Variants in LGALS16 observed in about 807,000 individuals in gnomAD.
The protein encoded by LGALS16 is galectin 16.
In LGALS16, 15 loss-of-function variants were observed where a neutral mutation model predicts 13.2. That is an observed-to-expected ratio of 1.13 (90% CI 0.76 to 1.75). The LOEUF is 1.75. LGALS16 is among the 40% of genes most tolerant of loss of function. The probability of loss-of-function intolerance (pLI) is 0.00; values close to 1 mark genes in which losing one functional copy is unlikely to be tolerated. For synonymous variants in LGALS16, 66 were observed against 65.4 expected (o/e 1.01, Z -0.05); for missense variants, 198 against 178.4 (o/e 1.11, Z -0.63).
chr19:39,658,720 C>T, intron 3 of LGALS16, 50 bp downstream of exon 3: 1 of 1,209,170 alleles, frequency 8.3e-7, no homozygotes, highest in Non-Finnish European at 1.2e-6. Context: ...GATCCCAGAG[C>T]AGGAGTCAGC....
Position 39,660,478 on chromosome 19 carries a change from T to G in LGALS16, c.387T>G (p.Asp129Glu), listed in dbSNP as rs1296606690. The G allele has an allele frequency of 6.5e-7, 1 of 1,543,052 alleles. No homozygotes were observed. Among genetic ancestry groups the G allele is most frequent in the Admixed American group, 2.0e-5 (1 of 51,254 alleles). Residue 129 changes from aspartate (D) to glutamate (E), a missense_variant, in exon 4 of 4, where the codon GAT becomes GAG. Physicochemically the swap from Asp to Glu is conservative, Grantham distance 45. Transcript: ENST00000392051. ...TGAAGATGATTCAAGTGTGGAGAGA[T>G]GTCTCCCTGGACTCAGTGCTTGTCA... is the stretch of plus-strand genomic sequence containing the variant. ...SYVKMIQVWR[D>E]VSLDSVLVNN...
At position 39,657,890 on chromosome 19, in the gene LGALS16, A is replaced by T; in HGVS notation, c.23A>T (p.Tyr8Phe). The T allele has an allele frequency of 6.2e-7, 1 of 1,613,874 alleles. No homozygotes were observed. Among genetic ancestry groups the T allele is most frequent in the Non-Finnish European group, 8.5e-7 (1 of 1,180,012 alleles). The change falls in exon 2 of 4, where the codon TAC becomes TTC. Residue 8 changes from tyrosine (Y) to phenylalanine (F), a missense_variant. By Grantham distance (22) the Tyr-to-Phe change is conservative (BLOSUM62 3). Coordinates refer to ENST00000392051, the MANE Select transcript of LGALS16 (RefSeq NM_001190441.3). MSFLTVPYKLPVSLSVGS... is the reference protein window; with the variant it reads MSFLTVPFKLPVSLSVGS... ...TTCTCAATACCCTGGCAGGTGCCAT[A>T]CAAACTGCCTGTGTCTTTGTCTGTT...
intron 1 of LGALS16, among the ~76,000 whole-genome samples, chr19:39,656,895 G>A (rs1568484008): frequency 6.6e-6 from 1 of 151,778 alleles, no homozygotes; most frequent in Non-Finnish European, 1.5e-5. Context: ...TGTCTCAACT[G>A]AGTCTAAACT....
rs759295718 is a variant in LGALS16 at position 39,655,973 on chromosome 19, A to C, written c.12A>C (p.Leu4=). 49 of 1,613,576 alleles carry C rather than the reference A, an allele frequency of 3.0e-5. No individual in the cohort carries two copies. Among genetic ancestry groups the C allele is most frequent in the Non-Finnish European group, 4.0e-5 (47 of 1,179,926 alleles). ...AGAAGGAGAGGACAATGTCATTTCTAACTGTGAGTTGAAAAGGCACAGCCT... is the reference window on the plus strand; with the variant it reads ...AGAAGGAGAGGACAATGTCATTTCTCACTGTGAGTTGAAAAGGCACAGCCT... MSF[L]TVPYKLPVSL... is the part of the protein sequence containing the mutation. The change falls in exon 1 of 4, where the codon CTA becomes CTC. Residue 4 remains leucine (L), a synonymous_variant. Transcript: ENST00000392051.
At position 39,655,926 on chromosome 19, in the gene LGALS16, G is replaced by A. The variant is rs746284521; in HGVS notation, c.-36G>A. On this transcript the variant is annotated 5_prime_UTR_variant, in exon 1 of 4. Coordinates refer to ENST00000392051, the MANE Select transcript of LGALS16 (RefSeq NM_001190441.3). Reference sequence around the variant, plus strand: ...ACTCAGAGATTCACTCAGAAGACTGGACACAATTCCGAAGGTCGCCCAGAA... The same window carrying A: ...ACTCAGAGATTCACTCAGAAGACTGAACACAATTCCGAAGGTCGCCCAGAA... 3.1e-6 allele frequency: 5 copies of A among 1,612,670 alleles called. No homozygotes were observed. The highest frequency in any genetic ancestry group is 2.2e-5 in the South Asian group (2 of 91,026).
chr19:39,656,069 C>A (rs1171030693), intron 1 of LGALS16, 93 bp downstream of exon 1: 6 of 1,288,460 alleles, frequency 4.7e-6, no homozygotes, highest in Non-Finnish European at 5.5e-6. Context: ...ATGAGCATTC[C>A]TACTGTGAAT....
intron 3 of LGALS16, among the ~76,000 whole-genome samples, chr19:39,659,947 C>A (rs1239479990): frequency 6.6e-6 from 1 of 152,202 alleles, no homozygotes; most frequent in Non-Finnish European, 1.5e-5. Flanking sequence ...GCCATTAACA[C>A]CTCAGATGTA....
At chr19:39,657,160 G>A (rs1306594703) in intron 1 of LGALS16, among the ~76,000 whole-genome samples, 1 of 152,064 alleles carries the variant, frequency 6.6e-6, no homozygotes, top group Non-Finnish European at 1.5e-5. Context: ...TACACAAGAG[G>A]GGGCAGATGT....
intron 3 of LGALS16, 54 bp from the exon 4 acceptor site, chr19:39,660,341 C>T (rs1034044116): frequency 1.8e-5 from 28 of 1,532,010 alleles, no homozygotes; most frequent in Non-Finnish European, 2.0e-5. Context: ...AGAGAAGAGG[C>T]TGAAAACTTG....
chr19:39,656,982 G>C (rs2190912), intron 1 of LGALS16, among the ~76,000 whole-genome samples: 46,609 of 151,424 alleles, frequency 0.31, 8,250 homozygotes, highest in Admixed American at 0.52. Context: ...CAACAAAGCA[G>C]CTGGGTTCAC....
chr19:39,659,589 T>C (rs1973236889), intron 3 of LGALS16, among the ~76,000 whole-genome samples: 1 of 152,202 alleles, frequency 6.6e-6, no homozygotes, highest in East Asian at 1.9e-4. Context: ...TATTTTGCTC[T>C]CACAAATGAT....
At position 39,658,467 on chromosome 19, in the gene LGALS16, C is replaced by T. The variant is rs1465679620; in HGVS notation, c.100C>T (p.Pro34Ser). Reference sequence around the variant, plus strand: ...TGTGTGCTTTGCCCTCAGCAACGAACCACAGCTGCAGGTGGATTTCTACAC... The same window carrying T: ...TGTGTGCTTTGCCCTCAGCAACGAATCACAGCTGCAGGTGGATTTCTACAC... ...GTLIDSSINE[P>S]QLQVDFYTEM... The change falls in exon 3 of 4, where the codon CCA becomes TCA. Residue 34 changes from proline to serine, a missense_variant. Physicochemically the swap from Pro to Ser is moderately conservative, Grantham distance 74. Transcript: ENST00000392051. 3.1e-6 allele frequency: 5 copies of T among 1,597,974 alleles called. No individual in the cohort carries two copies. The African/African-American group carries it at 6.7e-5, about 21-fold the overall frequency.
At chr19:39,657,992 A>C in intron 2 of LGALS16, 33 bp downstream of exon 2, 5 of 1,607,640 alleles carry the variant, frequency 3.1e-6, no homozygotes, top group Non-Finnish European at 4.3e-6. Flanking sequence ...GAGGGGGTGG[A>C]GGAGAAAGGA....
intron 1 of LGALS16, 37 bp from the exon 2 acceptor site, chr19:39,657,846 A>T: frequency 6.2e-7 from 1 of 1,607,278 alleles, no homozygotes; most frequent in Non-Finnish European, 8.5e-7. Flanking sequence ...ACTGCACCTG[A>T]CCCTGCACCT....
At position 39,657,957 on chromosome 19, in the gene LGALS16, T is replaced by C; in HGVS notation, c.90T>C (p.Ser30=). 1 of 1,613,902 alleles carries C rather than the reference T, an allele frequency of 6.2e-7. No homozygotes were observed. The highest frequency in any genetic ancestry group is 1.1e-5 in the South Asian group (1 of 91,084). ...TCAAAGGGACACTGATCGACTCTTC[T>C]ATGTGAGTACTCCATGGTCCAATGG... ...VIIKGTLIDS[S]INEPQLQVDF... The change falls in exon 2 of 4, where the codon TCT becomes TCC. Residue 30 remains serine, a splice_region_variant and synonymous_variant. Transcript: ENST00000392051.
In LGALS16 at chr19:39,658,672, T is replaced by C; in HGVS notation, c.303+2T>C. The C allele has an allele frequency of 6.4e-7, 1 of 1,561,610 alleles. No individual in the cohort carries two copies. The highest frequency in any genetic ancestry group is 8.7e-7 in the Non-Finnish European group (1 of 1,155,514). On this transcript the variant is annotated splice_donor_variant, in intron 3 of 3. Transcript: ENST00000392051. LOFTEE classifies it high-confidence loss of function. ...TACGTGTGTCACAATGAGTATGAGGTGAGCACCCCAGGAGCTCGCAGTACC... is the reference window on the plus strand; with the variant it reads ...TACGTGTGTCACAATGAGTATGAGGCGAGCACCCCAGGAGCTCGCAGTACC...
intron 1 of LGALS16, 105 bp downstream of exon 1, chr19:39,656,081 C>T (rs1328610886): frequency 3.3e-6 from 4 of 1,197,248 alleles, no homozygotes; most frequent in South Asian, 1.3e-5. Flanking sequence ...ACTGTGAATG[C>T]TTTACTGAGA....
chr19:39,658,429 C>G (rs1314341207), intron 2 of LGALS16, 31 bp from the exon 3 acceptor site: 1 of 1,541,344 alleles, frequency 6.5e-7, no homozygotes, highest in African/African-American at 1.4e-5. Context: ...ATGAAGGAAC[C>G]TGTCCAATAT....
chr19:39,656,981 AG>A (rs1180768437), intron 1 of LGALS16, among the ~76,000 whole-genome samples: 6 of 151,990 alleles, frequency 3.9e-5, no homozygotes, highest in Non-Finnish European at 7.4e-5. Context: ...TCAACAAAGC[AG>A]CTGGGTTCAC....
Sources: gnomAD v4.1 joint callset for allele counts (sites outside exome capture counted in the v4.1 genomes callset) on GRCh38, gnomAD v4.1.1 for gene constraint, MANE v1.5 for transcripts, NCBI Gene and HGNC (gene_info 2026-07-23, HGNC 2026-07-21) for gene names.